Variants in PRRX1 observed in about 807,000 individuals in gnomAD.
The protein encoded by PRRX1 is paired related homeobox 1, also known as paired mesoderm homeobox protein 1.
In PRRX1, 8 loss-of-function variants were observed where a neutral mutation model predicts 24.0. That is an observed-to-expected ratio of 0.33 (90% confidence interval 0.20 to 0.60). PRRX1 has a LOEUF of 0.60. Among genes scored for constraint, PRRX1 ranks in the 20% least tolerant of loss-of-function variants. PRRX1 has a pLI of 0.82. For synonymous variants in PRRX1, 160 were observed against 131.7 expected (o/e 1.22, Z -1.47); for missense variants, 281 against 322.4 (o/e 0.87, Z 0.98).
At chr1:170,735,951 G>GC (rs1160335101) in intron 3 of PRRX1, 97 bp from the exon 4 acceptor site, 6 of 1,529,382 alleles carry the variant, frequency 3.9e-6, no homozygotes, top group African/African-American at 1.4e-5. Flanking sequence ...GCCCCTGCCT[G>GC]CCCCCATGCT....
chr1:170,672,874 C>T (rs1653185608), intron 1 of PRRX1, among the ~76,000 whole-genome samples: 1 of 152,166 alleles, frequency 6.6e-6, no homozygotes, highest in Admixed American at 6.5e-5. Context: ...CCCCAGGCTC[C>T]TGTCCTTGTC....
chr1:170,707,293 C>G (rs1331277048), intron 1 of PRRX1, among the ~76,000 whole-genome samples: 3 of 151,980 alleles, frequency 2.0e-5, no homozygotes, highest in Non-Finnish European at 4.4e-5. Flanking sequence ...AACTAAAAAG[C>G]CCTAGTATGG....
chr1:170,736,197 TA>T lies in PRRX1; in HGVS notation c.*13del. On this transcript the variant is annotated 3_prime_UTR_variant, in exon 4 of 4. Transcript: ENST00000239461. The stretch of plus-strand genomic sequence containing the variant: ...CCAACAGTCAACTGAGGAAAAAAAA[TA>T]ATTAAACAGGCCTAAGAAGAAATCA... 1 of 1,613,734 alleles carries T rather than the reference TA, an allele frequency of 6.2e-7. No individual in the cohort carries two copies. The highest frequency in any genetic ancestry group is 8.5e-7 in the Non-Finnish European group (1 of 1,179,806).
intron 2 of PRRX1, 37 bp downstream of exon 2, chr1:170,719,938 C>T: frequency 1.9e-6 from 3 of 1,609,538 alleles, no homozygotes; most frequent in South Asian, 1.1e-5. Flanking sequence ...CCAAGTAGTA[C>T]CCTCCTCAGA....
chr1:170,736,384 C>T lies in PRRX1; in HGVS notation c.*198C>T. The T allele has an allele frequency of 1.5e-6, 1 of 677,934 alleles. No homozygotes were observed. Among genetic ancestry groups the T allele is most frequent in the Non-Finnish European group, 2.5e-6 (1 of 406,184 alleles). The allele number at this position is 677,934 out of a possible 1,614,324, so 42.0% of individuals were successfully genotyped here. A position where few individuals can be genotyped will look rare whatever the true frequency, so the allele number is the denominator to read the frequency against. ...AAATTAGTTAACAAATGTTCCTCCTCCCTCTGGGATACCACCACCACTTGT... is the reference window on the plus strand; with the variant it reads ...AAATTAGTTAACAAATGTTCCTCCTTCCTCTGGGATACCACCACCACTTGT... On this transcript the variant is annotated 3_prime_UTR_variant, in exon 4 of 4. Coordinates refer to ENST00000239461, the MANE Select transcript of PRRX1 (RefSeq NM_022716.4).
chr1:170,738,456 T>C lies in PRRX1; in HGVS notation c.*2270T>C. On this transcript the variant is annotated 3_prime_UTR_variant, in exon 4 of 4. Transcript: ENST00000239461. Reference sequence around the variant, plus strand: ...AAAACATTTCTTACTGAATGGTTCATGTAGGCTTGCTGAACAGCACGCATT... The same window carrying C: ...AAAACATTTCTTACTGAATGGTTCACGTAGGCTTGCTGAACAGCACGCATT... The C allele has an allele frequency of 4.4e-6, 1 of 228,544 alleles. No homozygotes were observed. The highest frequency in any genetic ancestry group is 8.7e-6 in the Non-Finnish European group (1 of 115,108). The allele number at this position is 228,544 out of a possible 1,614,324, so 14.2% of individuals were successfully genotyped here.
intron 1 of PRRX1, among the ~76,000 whole-genome samples, chr1:170,691,712 C>T (rs1428504204): frequency 6.6e-6 from 1 of 151,692 alleles, no homozygotes; most frequent in Non-Finnish European, 1.5e-5. Context: ...TTCTCCCCTC[C>T]TCTCCTTCCC....
intron 1 of PRRX1, among the ~76,000 whole-genome samples, chr1:170,717,510 G>T (rs995464634): frequency 6.6e-6 from 1 of 152,162 alleles, no homozygotes; most frequent in African/African-American, 2.4e-5. Flanking sequence ...CAAGTCATGG[G>T]ATTGGCTTAA....
At chr1:170,681,092 G>C (rs1478267688) in intron 1 of PRRX1, among the ~76,000 whole-genome samples, 2 of 152,174 alleles carry the variant, frequency 1.3e-5, no homozygotes, top group Non-Finnish European at 2.9e-5. Flanking sequence ...GGGAACTAAA[G>C]GGAAGAAATT....
intron 1 of PRRX1, among the ~76,000 whole-genome samples, chr1:170,705,506 C>T (rs1558055237): frequency 6.6e-6 from 1 of 152,154 alleles, no homozygotes; most frequent in East Asian, 1.9e-4. Context: ...TGGTCTCAAA[C>T]TCCCAGGCTC....
At chr1:170,713,618 A>T (rs748794808) in intron 1 of PRRX1, among the ~76,000 whole-genome samples, 18 of 152,246 alleles carry the variant, frequency 1.2e-4, no homozygotes, top group Non-Finnish European at 8.8e-5. Context: ...CTATCTACAC[A>T]GAACCACTGT....
At chr1:170,700,521 C>T (rs1654320450) in intron 1 of PRRX1, among the ~76,000 whole-genome samples, 2 of 152,068 alleles carry the variant, frequency 1.3e-5, no homozygotes, top group Non-Finnish European at 2.9e-5. Context: ...CAGACCTATA[C>T]AGGGGAGAAA....
At chr1:170,735,553 T>C (rs1293099805) in intron 3 of PRRX1, among the ~76,000 whole-genome samples, 1 of 152,228 alleles carries the variant, frequency 6.6e-6, no homozygotes, top group Non-Finnish European at 1.5e-5. Context: ...TTATTTATTA[T>C]GGTATTTATT....
At chr1:170,668,655 C>A (rs952168348) in intron 1 of PRRX1, 4 of 152,258 alleles carry the variant, frequency 2.6e-5, no homozygotes, top group African/African-American at 9.6e-5. Context: ...AACTTCTCTT[C>A]GCCAGAGAAA....
Position 170,739,036 on chromosome 1 carries a change from T to A in PRRX1, c.*2850T>A, listed in dbSNP as rs1655712258. The stretch of plus-strand genomic sequence containing the variant: ...TCAAATTTTTAAAATACAAGTTTGG[T>A]ATGTGATTTGGAAAAGATGCCTTCT... On this transcript the variant is annotated 3_prime_UTR_variant, in exon 4 of 4. Transcript: ENST00000239461. 1 of 219,626 alleles carries A rather than the reference T, an allele frequency of 4.6e-6. No homozygotes were observed. 13.6% of individuals were successfully genotyped at this position (219,626 alleles called of 1,614,324 possible). A position where few individuals can be genotyped will look rare whatever the true frequency, so the allele number is the denominator to read the frequency against.
Position 170,664,149 on chromosome 1 carries a change from C to A in PRRX1, c.-70C>A. ...CTTCCCCACTCGGCTCCTCTCCCCCCTCGCGCCCACAGCGTTTGGTGTTGA... is the reference window on the plus strand; with the variant it reads ...CTTCCCCACTCGGCTCCTCTCCCCCATCGCGCCCACAGCGTTTGGTGTTGA... On this transcript the variant is annotated 5_prime_UTR_variant, in exon 1 of 4. Coordinates refer to ENST00000239461, the MANE Select transcript of PRRX1 (RefSeq NM_022716.4). 2 of 1,513,802 alleles carry A rather than the reference C, an allele frequency of 1.3e-6. No individual in the cohort carries two copies. Among genetic ancestry groups the A allele is most frequent in the South Asian group, 1.3e-5 (1 of 77,262 alleles). 93.8% of individuals were successfully genotyped at this position (1,513,802 alleles called of 1,614,324 possible). A position where few individuals can be genotyped will look rare whatever the true frequency, so the allele number is the denominator to read the frequency against.
At position 170,738,222 on chromosome 1, in the gene PRRX1, AT is replaced by A; in HGVS notation, c.*2041del. On this transcript the variant is annotated 3_prime_UTR_variant, in exon 4 of 4. Coordinates refer to ENST00000239461, the MANE Select transcript of PRRX1 (RefSeq NM_022716.4). ...TTTGTAGTCTGAGTGACAGGCAAGG[AT>A]TTTTGGGTTTAAGATGCACTTTTAG... The A allele has an allele frequency of 8.9e-6, 2 of 224,816 alleles. No individual in the cohort carries two copies. The highest frequency in any genetic ancestry group is 1.8e-5 in the Non-Finnish European group (2 of 112,502). 13.9% of individuals were successfully genotyped at this position (224,816 alleles called of 1,614,324 possible).
rs377339646 is a variant in PRRX1 at position 170,719,892 on chromosome 1, G to A, written c.408G>A (p.Ala136=). ...CCCGCCGGGTGAACCTCACCGAGGC[G>A]AGAGTGCAGGTAACTCAAGCTGTGA... is the stretch of plus-strand genomic sequence containing the variant. The part of the protein sequence containing the change: ...DLARRVNLTE[A]RVQVWFQNRR... Residue 136 remains alanine (A), a synonymous_variant, in exon 2 of 4, where the codon GCG becomes GCA. Coordinates refer to ENST00000239461, the MANE Select transcript of PRRX1 (RefSeq NM_022716.4). 17 of 1,613,856 alleles carry A rather than the reference G, an allele frequency of 1.1e-5. No individual in the cohort carries two copies. The South Asian group carries it at 1.3e-4, about 13-fold the overall frequency.
At chr1:170,714,624 C>T (rs777849761) in intron 1 of PRRX1, among the ~76,000 whole-genome samples, 1 of 152,158 alleles carries the variant, frequency 6.6e-6, no homozygotes, top group Non-Finnish European at 1.5e-5. Flanking sequence ...AGGTTCCTCC[C>T]ACAGGATGCA....
Sources: gnomAD v4.1 joint callset for allele counts (sites outside exome capture counted in the v4.1 genomes callset) on GRCh38, gnomAD v4.1.1 for gene constraint, MANE v1.5 for transcripts, NCBI Gene and HGNC (gene_info 2026-07-23, HGNC 2026-07-21) for gene names.